Variants in FOCAD observed in about 807,000 individuals in gnomAD.
FOCAD encodes the protein focadhesin.
A neutral mutation model predicts 225.6 loss-of-function variants in FOCAD; 198 were observed. That is an observed-to-expected ratio of 0.88 (90% CI 0.78 to 0.99). The LOEUF is 0.99. FOCAD is among the 50% of genes least tolerant of loss of function. The pLI, the probability that FOCAD is intolerant of heterozygous loss-of-function variation, is 0.00. For missense variants in FOCAD, 2,713 were observed against 2,123.6 expected, an observed-to-expected ratio of 1.28 and a Z score of -5.46; for synonymous variants, 897 against 755.0, an observed-to-expected ratio of 1.19 and a Z score of -3.08.
intron 1 of FOCAD, among the ~76,000 whole-genome samples, chr9:20,703,781 TAC>T (rs1824166308): frequency 6.6e-6 from 1 of 152,208 alleles, no homozygotes; most frequent in Non-Finnish European, 1.5e-5. Context: ...CACACATTTC[TAC>T]AGTGCCTGCT....
At chr9:20,688,398 C>G (rs936104186) in intron 1 of FOCAD, among the ~76,000 whole-genome samples, 5 of 152,088 alleles carry the variant, frequency 3.3e-5, no homozygotes, top group African/African-American at 9.7e-5. Context: ...AGGTTTATGA[C>G]TTGCCGAGAT....
At chr9:20,875,028 A>T in intron 19 of FOCAD, 1 of 506,298 alleles carries the variant, frequency 2.0e-6, no homozygotes. Context: ...GAACAAGAAA[A>T]CTAGTGTAAA....
Position 20,952,981 on chromosome 9 carries a change from A to G in FOCAD, c.4052-4A>G, listed in dbSNP as rs990101169. ...GTTAATTTGATCATTTTCTGTCTCC[A>G]CAGTTCCTACTGACTATAGCTACTT... On this transcript the variant is annotated splice_polypyrimidine_tract_variant and splice_region_variant and intron_variant, in intron 34 of 43. Coordinates refer to ENST00000338382, the MANE Select transcript of FOCAD (RefSeq NM_001375567.1). The G allele has an allele frequency of 1.2e-6, 2 of 1,612,306 alleles. No individual in the cohort carries two copies. Among genetic ancestry groups the G allele is most frequent in the Non-Finnish European group, 1.7e-6 (2 of 1,178,704 alleles).
chr9:20,885,164 A>C lies in FOCAD; in HGVS notation c.2559A>C (p.Pro853=), dbSNP rs775965203. 6.5e-7 allele frequency: 1 copy of C among 1,549,724 alleles called. No individual in the cohort carries two copies. The highest frequency in any genetic ancestry group is 1.3e-5 in the South Asian group (1 of 77,830). ...VSMYQSKDGK[P]LNRLMASRGR... The stretch of plus-strand genomic sequence containing the variant: ...TGTATCAGAGTAAAGATGGAAAACC[A>C]TTGAACAGACTGATGGCCAGCAGAG... The change falls in exon 21 of 44, where the codon CCA becomes CCC. Residue 853 remains proline (P), a synonymous_variant. Transcript: ENST00000338382.
At chr9:20,912,801 A>T in intron 22 of FOCAD, 65 bp from the exon 23 acceptor site, 1 of 1,366,516 alleles carries the variant, frequency 7.3e-7, no homozygotes, top group South Asian at 1.2e-5. Context: ...TGTGTTTTCC[A>T]AAGAAATTTT....
intron 1 of FOCAD, among the ~76,000 whole-genome samples, chr9:20,711,952 A>G (rs1244830600): frequency 4.6e-5 from 7 of 152,188 alleles, no homozygotes; most frequent in Admixed American, 4.6e-4. Flanking sequence ...CCCAGTGTGT[A>G]TCCCAGGACA....
At chr9:20,695,393 TC>T (rs890726839) in intron 1 of FOCAD, among the ~76,000 whole-genome samples, 56 of 152,324 alleles carry the variant, frequency 3.7e-4, no homozygotes, top group African/African-American at 1.3e-3. Context: ...AGTTGATGAT[TC>T]ATTCACAAAT....
At chr9:20,958,244 C>A (rs1838378946) in intron 35 of FOCAD, among the ~76,000 whole-genome samples, 1 of 151,812 alleles carries the variant, frequency 6.6e-6, no homozygotes, top group African/African-American at 2.4e-5. Context: ...TAAAAAGCAG[C>A]CCAAAAAACA....
chr9:20,734,698 G>T (rs1196727661), intron 4 of FOCAD, among the ~76,000 whole-genome samples: 1 of 151,664 alleles, frequency 6.6e-6, no homozygotes, highest in Non-Finnish European at 1.5e-5. Context: ...AGGCTGGAGT[G>T]CAGTGGCGTG....
chr9:20,886,058 T>C (rs941485969), intron 21 of FOCAD, among the ~76,000 whole-genome samples: 1 of 152,228 alleles, frequency 6.6e-6, no homozygotes, highest in Non-Finnish European at 1.5e-5. Flanking sequence ...TTGTAATTAA[T>C]TTGATTCACT....
intron 28 of FOCAD, among the ~76,000 whole-genome samples, chr9:20,936,462 G>A (rs1216254654): frequency 6.6e-6 from 1 of 152,212 alleles, no homozygotes; most frequent in African/African-American, 2.4e-5. Flanking sequence ...GATGCAGGCT[G>A]AGATTGGAGA....
chr9:20,911,831 C>A (rs562766639), intron 22 of FOCAD, among the ~76,000 whole-genome samples: 11 of 152,210 alleles, frequency 7.2e-5, no homozygotes, highest in Non-Finnish European at 1.3e-4. Flanking sequence ...ACATACTTTT[C>A]TTCTATACAC....
At position 20,867,019 on chromosome 9, in the gene FOCAD, A is replaced by C; in HGVS notation, c.2190+7A>C. On this transcript the variant is annotated splice_region_variant and intron_variant, in intron 18 of 43. Coordinates refer to ENST00000338382, the MANE Select transcript of FOCAD (RefSeq NM_001375567.1). ...TCTTCATCTGCCTGAAAAGGTAGGC[A>C]TATCTGCTTTCTCACTGGTATTTCT... is the stretch of plus-strand genomic sequence containing the variant. The C allele has an allele frequency of 6.5e-7, 1 of 1,550,292 alleles. No individual in the cohort carries two copies.
chr9:20,817,032 C>T (rs1407194200), intron 11 of FOCAD, among the ~76,000 whole-genome samples: 6 of 152,122 alleles, frequency 3.9e-5, no homozygotes, highest in African/African-American at 1.4e-4. Flanking sequence ...GTCTGACCAT[C>T]CTGGAACCAG....
At chr9:20,995,377 AC>A (rs1055246013) in intron 43 of FOCAD, among the ~76,000 whole-genome samples, 178 bp from the exon 44 acceptor site, 4 of 151,262 alleles carry the variant, frequency 2.6e-5, no homozygotes, top group South Asian at 4.2e-4. Flanking sequence ...AAAAAAAAAA[AC>A]AACTTTCCCC....
intron 8 of FOCAD, among the ~76,000 whole-genome samples, 167 bp downstream of exon 8, chr9:20,770,405 C>G (rs540507044): frequency 1.1e-4 from 16 of 152,282 alleles, no homozygotes; most frequent in Non-Finnish European, 2.9e-5. Flanking sequence ...AGGAAACTTA[C>G]AATCATGGTG....
At chr9:20,898,210 A>G (rs1223253736) in intron 21 of FOCAD, among the ~76,000 whole-genome samples, 1 of 151,794 alleles carries the variant, frequency 6.6e-6, no homozygotes, top group Admixed American at 6.6e-5. Context: ...ACAAATACCT[A>G]TAGGTTTTTG....
chr9:20,915,628 G>C (rs137879545), intron 23 of FOCAD, among the ~76,000 whole-genome samples: 11 of 152,260 alleles, frequency 7.2e-5, no homozygotes, highest in African/African-American at 2.6e-4. Context: ...GAGTCATCAA[G>C]CATAATCTTT....
intron 35 of FOCAD, among the ~76,000 whole-genome samples, chr9:20,966,387 G>A (rs1055153594): frequency 6.6e-6 from 1 of 151,772 alleles, no homozygotes; most frequent in African/African-American, 2.4e-5. Flanking sequence ...TAAATTGCCT[G>A]TTGTTGAGTC....
Sources: allele counts gnomAD v4.1 joint callset (sites outside exome capture counted in the v4.1 genomes callset), GRCh38; gene constraint gnomAD v4.1.1; transcripts MANE v1.5; gene names NCBI Gene and HGNC (gene_info 2026-07-23, HGNC 2026-07-21).